The following EYS variants were observed in gnomAD, a reference collection of about 807,000 sequenced individuals.
The protein encoded by EYS is EGF-like photoreceptor maintenance factor, also known as protein eyes shut homolog.
In EYS, 250 loss-of-function variants were observed where a neutral mutation model predicts 282.1. The ratio of observed to expected loss-of-function variants is 0.89; its 90% CI spans 0.80 to 0.98. The LOEUF (loss-of-function observed/expected upper bound fraction) is 0.98. Among genes scored for constraint, EYS ranks in the 50% least tolerant of loss-of-function variants. EYS has a pLI of 0.00. For missense variants in EYS, 4,016 were observed against 3,709.0 expected (o/e 1.08, Z -2.15); for synonymous variants, 1,355 against 1,282.9 (o/e 1.06, Z -1.20).
At chr6:65,145,020 CT>C (rs1764442305) in intron 12 of EYS, among the ~76,000 whole-genome samples, 1 of 151,996 alleles carries the variant, frequency 6.6e-6, no homozygotes, top group African/African-American at 2.4e-5. Flanking sequence ...ATCCACCCAT[CT>C]TGGCCTCCCA....
chr6:65,177,613 T>C (rs1765258508), intron 12 of EYS, among the ~76,000 whole-genome samples: 1 of 151,866 alleles, frequency 6.6e-6, no homozygotes, highest in African/African-American at 2.4e-5. Context: ...TAGGTACATA[T>C]ACCCTCACAT....
At chr6:65,417,517 T>C (rs1482299598) in intron 5 of EYS, among the ~76,000 whole-genome samples, 2 of 152,062 alleles carry the variant, frequency 1.3e-5, no homozygotes, top group African/African-American at 2.4e-5. Context: ...CTCCATTGTA[T>C]GGATCTGCAA....
At chr6:65,155,942 T>C (rs1002134071) in intron 12 of EYS, among the ~76,000 whole-genome samples, 2 of 151,478 alleles carry the variant, frequency 1.3e-5, no homozygotes, top group African/African-American at 4.8e-5. Flanking sequence ...AATACCTTTA[T>C]ATATTTTTAA....
At chr6:65,368,298 T>C (rs1764992691) in intron 8 of EYS, among the ~76,000 whole-genome samples, 1 of 151,630 alleles carries the variant, frequency 6.6e-6, no homozygotes, top group Non-Finnish European at 1.5e-5. Flanking sequence ...TGTTAATTTT[T>C]ATTTTTGTCC....
chr6:64,299,160 T>C (rs1415247490), intron 30 of EYS, among the ~76,000 whole-genome samples: 1 of 152,182 alleles, frequency 6.6e-6, no homozygotes, highest in Non-Finnish European at 1.5e-5. Flanking sequence ...CAAAGGAATG[T>C]AAGGGAGTTT....
chr6:64,653,342 T>C (rs1768630386), intron 22 of EYS, among the ~76,000 whole-genome samples: 1 of 152,148 alleles, frequency 6.6e-6, no homozygotes. Context: ...CAGTTTGTGA[T>C]AGTTTGTTAT....
chr6:64,504,590 A>G (rs1394425348), intron 26 of EYS, among the ~76,000 whole-genome samples: 1 of 152,202 alleles, frequency 6.6e-6, no homozygotes, highest in African/African-American at 2.4e-5. Flanking sequence ...GGAAAAGCTG[A>G]CGCTATGAGG....
At chr6:64,146,094 G>T (rs1229872096) in intron 31 of EYS, among the ~76,000 whole-genome samples, 3 of 152,018 alleles carry the variant, frequency 2.0e-5, no homozygotes, top group Non-Finnish European at 2.9e-5. Flanking sequence ...GGCCACAACT[G>T]TGGGGACCTA....
At chr6:64,027,955 T>G (rs1769614681) in intron 33 of EYS, among the ~76,000 whole-genome samples, 1 of 152,216 alleles carries the variant, frequency 6.6e-6, no homozygotes, top group South Asian at 2.1e-4. Flanking sequence ...CCTGGACGAC[T>G]GTCCTCAAGG....
chr6:65,616,509 CG>C lies in EYS; in HGVS notation c.-333+23268del, dbSNP rs376140371. On this transcript the variant is annotated intron_variant, in intron 2 of 42. Coordinates refer to ENST00000503581, the MANE Select transcript of EYS (RefSeq NM_001142800.2). ...TGTTTTAAGAAGTAAATCTTTAGGC[CG>C]GGCGCAGTGGATCACACCTGTAATC... is the stretch of plus-strand genomic sequence containing the variant. Among the ~76,000 whole-genome samples the C allele has an allele frequency of 1.3e-3, 196 of 152,142 alleles. 1 individual carries two copies. The highest frequency in any genetic ancestry group is 4.5e-3 in the African/African-American group (188 of 41,522).
chr6:64,802,736 G>A (rs1279208425), intron 22 of EYS, among the ~76,000 whole-genome samples: 2 of 152,138 alleles, frequency 1.3e-5, no homozygotes, highest in Non-Finnish European at 1.5e-5. Context: ...TTACCAGTGA[G>A]TTCCCTGGTT....
At chr6:65,170,122 A>G (rs948358269) in intron 12 of EYS, among the ~76,000 whole-genome samples, 1 of 151,544 alleles carries the variant, frequency 6.6e-6, no homozygotes, top group African/African-American at 2.4e-5. Flanking sequence ...GAACAGCTAA[A>G]TAAGTCAATT....
chr6:65,697,887 C>A (rs1408682405), intron 1 of EYS, among the ~76,000 whole-genome samples: 1 of 152,232 alleles, frequency 6.6e-6, no homozygotes, highest in East Asian at 1.9e-4. Context: ...TCAGAACCTA[C>A]AAATGAAGCC....
intron 12 of EYS, among the ~76,000 whole-genome samples, chr6:65,240,507 G>A (rs868798607): frequency 6.6e-6 from 1 of 151,962 alleles, no homozygotes; most frequent in Non-Finnish European, 1.5e-5. Flanking sequence ...TCAATGTTTA[G>A]CTTCCATGTA....
chr6:64,605,903 G>T (rs1436385911), intron 24 of EYS, among the ~76,000 whole-genome samples: 1 of 151,892 alleles, frequency 6.6e-6, no homozygotes, highest in Non-Finnish European at 1.5e-5. Context: ...AACATTTAGG[G>T]AAGCTTTTCT....
At chr6:65,480,892 G>T (rs1238028067) in intron 5 of EYS, among the ~76,000 whole-genome samples, 1 of 152,078 alleles carries the variant, frequency 6.6e-6, no homozygotes, top group Non-Finnish European at 1.5e-5. Context: ...CACTCATATG[G>T]GAGAACTAAA....
At chr6:65,673,240 T>C (rs1463208724) in intron 1 of EYS, among the ~76,000 whole-genome samples, 1 of 151,928 alleles carries the variant, frequency 6.6e-6, no homozygotes, top group Non-Finnish European at 1.5e-5. Flanking sequence ...TATGGAGAGA[T>C]AATGGGCGAT....
At chr6:64,890,763 TC>T (rs750560169) in intron 18 of EYS, among the ~76,000 whole-genome samples, 48 of 152,274 alleles carry the variant, frequency 3.2e-4, no homozygotes, top group Non-Finnish European at 5.7e-4. Context: ...ACATGTATTA[TC>T]TCAAGACTTA....
At chr6:64,298,001 T>TAAAAAAAAAAAAAAAAAAAAAAAAAAA (rs1769097836) in intron 30 of EYS, among the ~76,000 whole-genome samples, 1 of 134,036 alleles carries the variant, frequency 7.5e-6, no homozygotes, top group African/African-American at 3.0e-5. Context: ...AAAAAAAAAT[T>TAAAAAAAAAAAAAAAAAAAAAAAAAAA]AGGTAGAAAT....
Sources: allele counts gnomAD v4.1 joint callset (sites outside exome capture counted in the v4.1 genomes callset), GRCh38; gene constraint gnomAD v4.1.1; transcripts MANE v1.5; gene names NCBI Gene and HGNC (gene_info 2026-07-23, HGNC 2026-07-21).